Variants in CCDC60 observed in about 807,000 individuals in gnomAD.
CCDC60 encodes coiled-coil domain containing 60, also known as coiled-coil domain-containing protein 60.
CCDC60 carries 54 observed loss-of-function variants against 63.5 expected under a neutral mutation model. That is an observed-to-expected ratio of 0.85 (90% CI 0.68 to 1.07). The LOEUF (loss-of-function observed/expected upper bound fraction) is 1.07. Ranked by LOEUF, CCDC60 falls within the 50% of genes least tolerant of loss-of-function variation. The probability of loss-of-function intolerance (pLI) is 0.00; values close to 1 mark genes in which losing one functional copy is unlikely to be tolerated. For synonymous variants in CCDC60, 206 were observed against 238.8 expected, an observed-to-expected ratio of 0.86 and a Z score of 1.27; for missense variants, 651 against 684.3, an observed-to-expected ratio of 0.95 and a Z score of 0.54.
At chr12:119,348,681 T>G (rs985560270) in intron 1 of CCDC60, among the ~76,000 whole-genome samples, 3 of 152,218 alleles carry the variant, frequency 2.0e-5, no homozygotes, top group African/African-American at 7.2e-5. Flanking sequence ...GTGATTGACA[T>G]TTTTCAATGC....
chr12:119,468,434 G>A (rs1950994938), intron 2 of CCDC60, among the ~76,000 whole-genome samples: 1 of 152,170 alleles, frequency 6.6e-6, no homozygotes, highest in East Asian at 1.9e-4. Context: ...ATTTTGCAAT[G>A]ACAAGAACAT....
intron 1 of CCDC60, among the ~76,000 whole-genome samples, chr12:119,363,350 T>G (rs934016483): frequency 1.3e-5 from 2 of 152,224 alleles, no homozygotes; most frequent in Non-Finnish European, 2.9e-5. Flanking sequence ...TGTTTGAGTC[T>G]GCTGTCTTTG....
intron 1 of CCDC60, among the ~76,000 whole-genome samples, chr12:119,404,464 C>G (rs1432012769): frequency 6.6e-6 from 1 of 152,112 alleles, no homozygotes; most frequent in African/African-American, 2.4e-5. Flanking sequence ...TCAATGAGAC[C>G]CTGAGAGGGA....
chr12:119,426,732 T>G (rs763390490), intron 1 of CCDC60, among the ~76,000 whole-genome samples: 2 of 152,188 alleles, frequency 1.3e-5, no homozygotes, highest in African/African-American at 4.8e-5. Context: ...TCTTCACCCT[T>G]CATCTGTGCT....
intron 2 of CCDC60, among the ~76,000 whole-genome samples, chr12:119,439,460 G>A (rs1017086693): frequency 4.6e-5 from 7 of 152,164 alleles, no homozygotes; most frequent in African/African-American, 1.4e-4. Context: ...GAAATTTCAG[G>A]AGATAAAATG....
At chr12:119,509,155 T>C (rs1284256015) in intron 7 of CCDC60, among the ~76,000 whole-genome samples, 3 of 152,192 alleles carry the variant, frequency 2.0e-5, no homozygotes, top group Non-Finnish European at 2.9e-5. Context: ...TTCACACCTA[T>C]TGCTTTTGTC....
At chr12:119,509,179 A>G (rs1014598143) in intron 7 of CCDC60, among the ~76,000 whole-genome samples, 26 of 152,106 alleles carry the variant, frequency 1.7e-4, no homozygotes, top group African/African-American at 5.8e-4. Flanking sequence ...AAGATAGAAA[A>G]CTAGGGGCAC....
At chr12:119,526,852 G>T (rs2136515238) in intron 11 of CCDC60, among the ~76,000 whole-genome samples, 1 of 152,294 alleles carries the variant, frequency 6.6e-6, no homozygotes, top group South Asian at 2.1e-4. Context: ...AAGCAATATG[G>T]CTATTCCTTA....
intron 12 of CCDC60, among the ~76,000 whole-genome samples, chr12:119,530,478 G>A (rs116759080): frequency 9.9e-5 from 15 of 152,204 alleles, no homozygotes; most frequent in African/African-American, 2.4e-4. Context: ...ACACACCGTC[G>A]TGTGTGAGAG....
At chr12:119,509,630 A>C (rs1952153794) in intron 7 of CCDC60, among the ~76,000 whole-genome samples, 1 of 148,206 alleles carries the variant, frequency 6.7e-6, no homozygotes, top group Non-Finnish European at 1.5e-5. Context: ...CATTTGCCCT[A>C]TTTTTTTCTT....
At chr12:119,507,602 ATATATATATATATT>A (rs1952077781) in intron 7 of CCDC60, among the ~76,000 whole-genome samples, 10 of 23,848 alleles carry the variant, frequency 4.2e-4, no homozygotes, top group African/African-American at 2.7e-3. Flanking sequence ...ATATATATAT[ATATATATATATATT>A]TTTTTTTTTT....
intron 1 of CCDC60, among the ~76,000 whole-genome samples, chr12:119,349,757 A>C (rs1025728600): frequency 6.6e-6 from 1 of 152,192 alleles, no homozygotes; most frequent in Non-Finnish European, 1.5e-5. Context: ...TGAAGTCTCC[A>C]TCCCGTCTTT....
At chr12:119,498,156 T>C (rs1179996899) in intron 5 of CCDC60, among the ~76,000 whole-genome samples, 2 of 152,180 alleles carry the variant, frequency 1.3e-5, no homozygotes, top group African/African-American at 4.8e-5. Flanking sequence ...TTGATTCTGC[T>C]ACTCAGATCT....
chr12:119,391,033 A>T (rs1213282264), intron 1 of CCDC60, among the ~76,000 whole-genome samples: 1 of 152,180 alleles, frequency 6.6e-6, no homozygotes, highest in Non-Finnish European at 1.5e-5. Context: ...TTAGGTCTTA[A>T]CCACATTCCT....
intron 1 of CCDC60, among the ~76,000 whole-genome samples, chr12:119,351,623 G>A (rs1955657504): frequency 6.6e-6 from 1 of 152,180 alleles, no homozygotes; most frequent in African/African-American, 2.4e-5. Context: ...CAACTTTATT[G>A]TAAGAACAGA....
chr12:119,486,469 T>C (rs566556935), intron 4 of CCDC60, among the ~76,000 whole-genome samples: 9 of 152,298 alleles, frequency 5.9e-5, no homozygotes, highest in South Asian at 2.1e-4. Flanking sequence ...GCCCAGGAGT[T>C]GGAGGCTGCA....
rs528145656 is a variant in CCDC60, at chr12:119,505,225, A to G, written c.805A>G (p.Thr269Ala). Residue 269 changes from threonine (T) to alanine (A), a missense_variant, in exon 7 of 14, where the codon ACC becomes GCC. Thr to Ala is a moderately conservative substitution (Grantham distance 58, BLOSUM62 0). Transcript: ENST00000327554. ...PGSDEPPSVN[T>A]QVTSSKDIED... ...CTCGGATGAGCCCCCAAGTGTGAAC[A>G]CCCAGGTGACCAGCAGCAAGGACAT... The G allele has an allele frequency of 2.8e-5, 45 of 1,613,978 alleles. No individual in the cohort carries two copies. In the African/African-American group the frequency reaches 5.3e-4, roughly 19 times the overall value.
intron 13 of CCDC60, among the ~76,000 whole-genome samples, chr12:119,535,284 G>A (rs530850658): frequency 2.0e-5 from 3 of 152,050 alleles, no homozygotes; most frequent in South Asian, 2.1e-4. Context: ...TTTTTATTGC[G>A]TCTATTTGAT....
At chr12:119,515,184 T>G (rs1952323102) in intron 7 of CCDC60, among the ~76,000 whole-genome samples, 1 of 152,236 alleles carries the variant, frequency 6.6e-6, no homozygotes, top group Non-Finnish European at 1.5e-5. Flanking sequence ...ACATCTGCAG[T>G]GACCCTATTT....
Sources: gnomAD v4.1 joint callset for allele counts (sites outside exome capture counted in the v4.1 genomes callset) on GRCh38, gnomAD v4.1.1 for gene constraint, MANE v1.5 for transcripts, NCBI Gene and HGNC (gene_info 2026-07-23, HGNC 2026-07-21) for gene names.